FBLN1: variants seen among roughly 807,000 people sequenced by gnomAD.
FBLN1 encodes the protein fibulin-1.
FBLN1 carries 34 observed loss-of-function variants against 89.7 expected under a neutral mutation model. The ratio of observed to expected loss-of-function variants is 0.38; its 90% CI spans 0.29 to 0.50. The LOEUF is 0.50. Among genes scored for constraint, FBLN1 ranks in the 20% least tolerant of loss-of-function variants. The pLI is 0.92. For synonymous variants in FBLN1, 393 were observed against 391.3 expected (o/e 1.00, Z -0.05); for missense variants, 777 against 988.1 (o/e 0.79, Z 2.86).
chr22:45,596,602 T>TAATTATTATA, intron 16 of FBLN1, among the ~76,000 whole-genome samples: 1 of 149,064 alleles, frequency 6.7e-6, no homozygotes, highest in Non-Finnish European at 1.5e-5. Flanking sequence ...AAGAATATGA[T>TAATTATTATA]TACTATATAC....
In FBLN1 at chr22:45,537,580, A is replaced by C. The variant is rs1362996053; in HGVS notation, c.922+2243A>C. ...GGTTGTAGTGAGCCAAGATCGTGCC[A>C]CTGCACTCCAGCCTGGACAACAGAG... is the stretch of plus-strand genomic sequence containing the variant. On this transcript the variant is annotated intron_variant, in intron 8 of 16. Transcript: ENST00000327858. This position sits in a 1 kb window ranked among gnomAD's most constrained non-coding sequence, Gnocchi z 5.7. Among the ~76,000 whole-genome samples the C allele has an allele frequency of 3.3e-5, 5 of 151,756 alleles. No homozygotes were observed. The highest frequency in any genetic ancestry group is 5.9e-5 in the Non-Finnish European group (4 of 67,948).
At chr22:45,546,956 C>T in intron 11 of FBLN1, 129 bp from the exon 12 acceptor site, 2 of 1,450,244 alleles carry the variant, frequency 1.4e-6, no homozygotes, top group Non-Finnish European at 1.9e-6. Flanking sequence ...CCCCCCGGGA[C>T]CTCTGTCTCT....
chr22:45,519,976 C>A (rs942948578), intron 2 of FBLN1, among the ~76,000 whole-genome samples: 2 of 152,138 alleles, frequency 1.3e-5, no homozygotes, highest in Non-Finnish European at 2.9e-5. Context: ...TCCAGACCAG[C>A]CTGACCAACG....
intron 16 of FBLN1, among the ~76,000 whole-genome samples, chr22:45,587,234 A>T (rs888136717): frequency 5.3e-5 from 8 of 151,700 alleles, no homozygotes; most frequent in Non-Finnish European, 1.0e-4. Flanking sequence ...TCTGTGTTCT[A>T]AGCCCCACTT....
At chr22:45,569,109 G>C (rs1002592421) in intron 14 of FBLN1, among the ~76,000 whole-genome samples, 2 of 152,166 alleles carry the variant, frequency 1.3e-5, no homozygotes, top group African/African-American at 4.8e-5. Flanking sequence ...GTCACATTCT[G>C]AGGTACTGGG....
intron 16 of FBLN1, among the ~76,000 whole-genome samples, chr22:45,584,036 G>A (rs2089064443): frequency 6.6e-6 from 1 of 152,190 alleles, no homozygotes; most frequent in Non-Finnish European, 1.5e-5. Context: ...GGGGCCCCCA[G>A]GAGGTGGTGG....
chr22:45,533,902 C>T lies in FBLN1; in HGVS notation c.784+4C>T. On this transcript the variant is annotated splice_donor_region_variant and intron_variant, in intron 7 of 16. Coordinates refer to ENST00000327858, the MANE Select transcript of FBLN1 (RefSeq NM_006486.3). ...ACAGAGGACAATAGCTGCAAAGGTA[C>T]AGCATGCGCTCCGAGTCTGCAAACC... 1 of 1,613,870 alleles carries T rather than the reference C, an allele frequency of 6.2e-7. No individual in the cohort carries two copies. Among genetic ancestry groups the T allele is most frequent in the East Asian group, 2.2e-5 (1 of 44,874 alleles).
chr22:45,517,685 G>A (rs894907852), intron 1 of FBLN1: 1 of 466,372 alleles, frequency 2.1e-6, no homozygotes, highest in East Asian at 7.0e-5. Flanking sequence ...TTCTGTGGAA[G>A]AGGGGATCTT....
chr22:45,560,820 T>A (rs1174475271), intron 14 of FBLN1, among the ~76,000 whole-genome samples: 1 of 152,090 alleles, frequency 6.6e-6, no homozygotes, highest in Non-Finnish European at 1.5e-5. Flanking sequence ...GACTTTAGTC[T>A]AGTTATAGGT....
intron 2 of FBLN1, among the ~76,000 whole-genome samples, chr22:45,520,124 C>T (rs766054460): frequency 1.1e-4 from 17 of 152,234 alleles, no homozygotes; most frequent in African/African-American, 3.1e-4. Flanking sequence ...GAGCTGAGAC[C>T]GTTCATTGTA....
At chr22:45,548,798 T>A (rs2088665058) in intron 13 of FBLN1, 54 bp downstream of exon 13, 1 of 1,605,844 alleles carries the variant, frequency 6.2e-7, no homozygotes, top group African/African-American at 1.3e-5. Flanking sequence ...GGCCCTGCAA[T>A]GTCGTGGGGC....
In FBLN1 at chr22:45,583,275, A is replaced by G. The variant is rs923626104; in HGVS notation, c.1972+6167A>G. ...GCTCAGCTGCTGCAGGATTCCTTAG[A>G]GAAGCTGAAGGGTTTGGGTCCTCAG... is the stretch of plus-strand genomic sequence containing the variant. On this transcript the variant is annotated intron_variant, in intron 16 of 16. Coordinates refer to ENST00000327858, the MANE Select transcript of FBLN1 (RefSeq NM_006486.3). This position sits in a 1 kb window ranked among gnomAD's most constrained non-coding sequence, Gnocchi z 4.5. 2.6e-5 allele frequency among the ~76,000 whole-genome samples: 4 copies of G among 152,116 alleles called. No individual in the cohort carries two copies.
chr22:45,586,700 G>A (rs901873620), intron 16 of FBLN1, among the ~76,000 whole-genome samples: 8 of 152,220 alleles, frequency 5.3e-5, no homozygotes, highest in African/African-American at 1.9e-4. Context: ...GGGAAGACAG[G>A]GACGCACACT....
At chr22:45,587,589 C>T (rs916528827) in intron 16 of FBLN1, among the ~76,000 whole-genome samples, 1 of 151,872 alleles carries the variant, frequency 6.6e-6, no homozygotes, top group Non-Finnish European at 1.5e-5. Context: ...CCCTGGGGGC[C>T]CAGCGCTCAG....
Position 45,562,665 on chromosome 22 carries a change from A to G in FBLN1, c.1698-11846A>G, listed in dbSNP as rs981294383. On this transcript the variant is annotated intron_variant, in intron 14 of 16. Coordinates refer to ENST00000327858, the MANE Select transcript of FBLN1 (RefSeq NM_006486.3). This position sits in a 1 kb window ranked among gnomAD's most constrained non-coding sequence, Gnocchi z 7.8. Reference sequence around the variant, plus strand: ...AGGGGACGCACCTCACTCCGGGCACAGCCTTTGGCCCCCGGCCACCCAGCG... The same window carrying G: ...AGGGGACGCACCTCACTCCGGGCACGGCCTTTGGCCCCCGGCCACCCAGCG... Among the ~76,000 whole-genome samples the G allele has an allele frequency of 2.6e-5, 4 of 152,228 alleles. No homozygotes were observed. The highest frequency in any genetic ancestry group is 1.5e-5 in the Non-Finnish European group (1 of 68,036).
rs1021654531 is a variant in FBLN1, at chr22:45,575,795, C to T, written c.1840+1142C>T. On this transcript the variant is annotated intron_variant, in intron 15 of 16. Transcript: ENST00000327858. This position sits in a 1 kb window ranked among gnomAD's most constrained non-coding sequence, Gnocchi z 6.3. The stretch of plus-strand genomic sequence containing the variant: ...GGATGGAGCATTGTCCTGTTCACCT[C>T]GCTTCCTGGCTGTGCTGCCCGTGTG... Among the ~76,000 whole-genome samples the T allele has an allele frequency of 3.9e-5, 6 of 152,182 alleles. No homozygotes were observed. The highest frequency in any genetic ancestry group is 1.4e-4 in the African/African-American group (6 of 41,444).
chr22:45,533,677 G>T, intron 6 of FBLN1, 84 bp from the exon 7 acceptor site: 1 of 1,533,858 alleles, frequency 6.5e-7, no homozygotes. Context: ...CACTTCCACC[G>T]TGGCTTTGGC....
chr22:45,579,427 G>A lies in FBLN1; in HGVS notation c.1972+2319G>A, dbSNP rs182533116. 5.4e-3 allele frequency among the ~76,000 whole-genome samples: 829 copies of A among 152,368 alleles called. 5 individuals carry two copies. Among genetic ancestry groups the A allele is most frequent in the African/African-American group, 0.017 (726 of 41,580 alleles). ...GTCCCGGCAGCGGGCTTCTGGGAACGGAATGTGGATGAGGCCACAAGGACC... is the reference window on the plus strand; with the variant it reads ...GTCCCGGCAGCGGGCTTCTGGGAACAGAATGTGGATGAGGCCACAAGGACC... On this transcript the variant is annotated intron_variant, in intron 16 of 16. Transcript: ENST00000327858. This position sits in a 1 kb window ranked among gnomAD's most constrained non-coding sequence, Gnocchi z 5.5.
intron 11 of FBLN1, 88 bp from the exon 12 acceptor site, chr22:45,546,997 G>A: frequency 1.9e-6 from 3 of 1,595,540 alleles, no homozygotes; most frequent in Non-Finnish European, 2.6e-6. Context: ...GAGGTGGAGA[G>A]GAGATTTTCT....
Sources: allele counts gnomAD v4.1 joint callset (sites outside exome capture counted in the v4.1 genomes callset), GRCh38; gene constraint gnomAD v4.1.1; non-coding constraint Gnocchi (gnomAD v3.1); transcripts MANE v1.5; gene names NCBI Gene and HGNC (gene_info 2026-07-23, HGNC 2026-07-21).